Variants in NRXN1 observed in about 807,000 individuals in gnomAD.
The protein encoded by NRXN1 is neurexin 1, also known as neurexin-1.
Under a neutral mutation model 150.9 loss-of-function variants are expected in NRXN1, and 39 were observed. The ratio of observed to expected loss-of-function variants is 0.26; its 90% CI spans 0.20 to 0.34. The LOEUF (loss-of-function observed/expected upper bound fraction) is 0.34, where lower values mean the gene tolerates loss of function less well. Ranked by LOEUF, NRXN1 falls within the 10% of genes least tolerant of loss-of-function variation. The pLI is 1.00. For missense variants in NRXN1, 1,815 were observed against 1,949.9 expected, an observed-to-expected ratio of 0.93 and a Z score of 1.30; for synonymous variants, 924 against 757.0, an observed-to-expected ratio of 1.22 and a Z score of -3.62.
At chr2:50,858,316 A>G (rs957932078) in intron 5 of NRXN1, among the ~76,000 whole-genome samples, 3 of 152,014 alleles carry the variant, frequency 2.0e-5, no homozygotes, top group Non-Finnish European at 4.4e-5. Context: ...AAGCACCACC[A>G]TTGTCTCACT....
At chr2:50,788,415 G>C (rs1705449427) in intron 5 of NRXN1, among the ~76,000 whole-genome samples, 1 of 152,056 alleles carries the variant, frequency 6.6e-6, no homozygotes, top group Admixed American at 6.6e-5. Context: ...ACTTTACCAA[G>C]AGCTTTCTGT....
chr2:50,867,157 A>G (rs1677060140), intron 5 of NRXN1, among the ~76,000 whole-genome samples: 1 of 151,868 alleles, frequency 6.6e-6, no homozygotes, highest in Non-Finnish European at 1.5e-5. Context: ...CACTTGATGC[A>G]TAAAACCCCT....
chr2:50,006,687 T>C (rs1453192153), intron 21 of NRXN1, among the ~76,000 whole-genome samples: 1 of 152,198 alleles, frequency 6.6e-6, no homozygotes, highest in East Asian at 1.9e-4. Context: ...ATGTCAAGAA[T>C]GTAATTTTAG....
chr2:50,089,786 CA>C (rs5831081), intron 19 of NRXN1, among the ~76,000 whole-genome samples: 43,307 of 126,990 alleles, frequency 0.34, 6,508 homozygotes, highest in Admixed American at 0.45. Flanking sequence ...GACCTTGCTT[CA>C]AAAAAAAAAA....
At chr2:50,402,990 G>A (rs763847649) in intron 17 of NRXN1, among the ~76,000 whole-genome samples, 1 of 152,016 alleles carries the variant, frequency 6.6e-6, no homozygotes, top group African/African-American at 2.4e-5. Flanking sequence ...TTAATGTAAG[G>A]GTGCGGATTG....
intron 17 of NRXN1, among the ~76,000 whole-genome samples, chr2:50,387,335 A>G (rs1450409618): frequency 2.0e-5 from 3 of 152,154 alleles, no homozygotes; most frequent in African/African-American, 7.2e-5. Flanking sequence ...TAAATTGATG[A>G]GAGATAAGAA....
At chr2:49,999,472 T>A (rs1488726100) in intron 21 of NRXN1, among the ~76,000 whole-genome samples, 2 of 152,158 alleles carry the variant, frequency 1.3e-5, no homozygotes. Flanking sequence ...CATATCTGTA[T>A]TTTTTGAAAC....
chr2:49,975,581 TA>T (rs760312754), intron 21 of NRXN1, among the ~76,000 whole-genome samples: 30 of 152,202 alleles, frequency 2.0e-4, no homozygotes, highest in Admixed American at 5.2e-4. Context: ...CAGGAAATAA[TA>T]AAGCATTTTT....
At chr2:50,516,244 T>A (rs1460338982) in intron 12 of NRXN1, among the ~76,000 whole-genome samples, 1 of 152,146 alleles carries the variant, frequency 6.6e-6, no homozygotes, top group Non-Finnish European at 1.5e-5. Context: ...GAGTCCTTAT[T>A]CAAAATTAAG....
chr2:50,433,373 C>T (rs894912822), intron 17 of NRXN1, among the ~76,000 whole-genome samples: 7 of 152,136 alleles, frequency 4.6e-5, no homozygotes, highest in African/African-American at 1.7e-4. Context: ...AATACACAAA[C>T]TTATATTGCA....
intron 5 of NRXN1, among the ~76,000 whole-genome samples, chr2:50,773,997 C>T (rs891320967): frequency 1.2e-4 from 19 of 152,078 alleles, no homozygotes; most frequent in Non-Finnish European, 1.9e-4. Flanking sequence ...CCACACGACC[C>T]GGATGCTAAA....
chr2:50,195,340 G>A (rs1263974659), intron 18 of NRXN1, among the ~76,000 whole-genome samples: 1 of 152,072 alleles, frequency 6.6e-6, no homozygotes, highest in Non-Finnish European at 1.5e-5. Context: ...GCTGCTTCTT[G>A]TCTCCTTGTT....
chr2:50,605,826 T>G (rs1677016322), intron 8 of NRXN1, among the ~76,000 whole-genome samples: 1 of 152,192 alleles, frequency 6.6e-6, no homozygotes, highest in Non-Finnish European at 1.5e-5. Context: ...TCAGAATTTT[T>G]AAGAGATATT....
At chr2:50,884,353 G>A (rs1424638281) in intron 5 of NRXN1, among the ~76,000 whole-genome samples, 1 of 151,600 alleles carries the variant, frequency 6.6e-6, no homozygotes, top group Admixed American at 6.6e-5. Context: ...ATTTTCTTAT[G>A]CCTACACATA....
rs571360941 is a variant in NRXN1, at chr2:50,285,616, T to G, written c.3365-48646A>C. On this transcript the variant is annotated intron_variant, in intron 17 of 22. Coordinates refer to ENST00000401669, the MANE Select transcript of NRXN1 (RefSeq NM_001330078.2). The stretch of plus-strand genomic sequence containing the variant: ...CTCACTAATGTTATAACTAAAAGAC[T>G]GAGAGAAACATTATTCAAGGACCTG... Among the ~76,000 whole-genome samples, 11 of 152,260 alleles carry G rather than the reference T, an allele frequency of 7.2e-5. No individual in the cohort carries two copies. In the South Asian group the frequency reaches 1.4e-3, roughly 20 times the overall value.
intron 13 of NRXN1, among the ~76,000 whole-genome samples, chr2:50,501,227 A>C (rs2091921539): frequency 6.6e-6 from 1 of 152,140 alleles, no homozygotes; most frequent in South Asian, 2.1e-4. Flanking sequence ...TTTGGATAAC[A>C]AACAGCTACA....
At chr2:50,227,787 A>T (rs571503096) in intron 18 of NRXN1, among the ~76,000 whole-genome samples, 1 of 152,144 alleles carries the variant, frequency 6.6e-6, no homozygotes, top group African/African-American at 2.4e-5. Context: ...AAGCAAGCAG[A>T]TACCTTCTAA....
chr2:50,710,971 C>A (rs538759865), intron 5 of NRXN1, among the ~76,000 whole-genome samples: 214 of 152,160 alleles, frequency 1.4e-3, no homozygotes, highest in African/African-American at 4.8e-3. Flanking sequence ...CCTCTGTGGC[C>A]CCCATAATAG....
chr2:50,789,369 A>C (rs554968037), intron 5 of NRXN1, among the ~76,000 whole-genome samples: 91 of 152,340 alleles, frequency 6.0e-4, no homozygotes, highest in African/African-American at 2.1e-3. Flanking sequence ...TTTCAAGCAC[A>C]ATGTAAAGAT....
Sources: allele counts gnomAD v4.1 joint callset (sites outside exome capture counted in the v4.1 genomes callset), GRCh38; gene constraint gnomAD v4.1.1; transcripts MANE v1.5; gene names NCBI Gene and HGNC (gene_info 2026-07-23, HGNC 2026-07-21).